BCAS3: variants seen among roughly 807,000 people sequenced by gnomAD.
The protein encoded by BCAS3 is BCAS3 microtubule associated cell migration factor.
In BCAS3, 53 loss-of-function variants were observed where a neutral mutation model predicts 116.1. The observed-to-expected ratio is 0.46, with a 90% CI of 0.37 to 0.57. BCAS3 has a LOEUF of 0.57. Ranked by LOEUF, BCAS3 falls within the 20% of genes least tolerant of loss-of-function variation. The pLI is 0.00. For synonymous variants in BCAS3, 391 were observed against 408.2 expected, an observed-to-expected ratio of 0.96 and a Z score of 0.51; for missense variants, 917 against 1,165.4, an observed-to-expected ratio of 0.79 and a Z score of 3.10.
chr17:60,766,217 C>T (rs1447114831), intron 6 of BCAS3, among the ~76,000 whole-genome samples: 1 of 152,144 alleles, frequency 6.6e-6, no homozygotes, highest in Non-Finnish European at 1.5e-5. Flanking sequence ...CTCTGTCCTG[C>T]TTTGTTACGT....
chr17:61,123,170 T>TGACCTTAGGTGACCCACCCACCTTGGC, intron 22 of BCAS3, among the ~76,000 whole-genome samples: 1 of 152,058 alleles, frequency 6.6e-6, no homozygotes, highest in Non-Finnish European at 1.5e-5. Context: ...CTCCAACTCC[T>TGACCTTAGGTGACCCACCCACCTTGGC]GACCTTAGGT....
intron 15 of BCAS3, among the ~76,000 whole-genome samples, chr17:60,991,471 C>T (rs532828449): frequency 2.0e-5 from 3 of 152,146 alleles, no homozygotes; most frequent in South Asian, 2.1e-4. Context: ...GTGGTTGTAC[C>T]GTTTCATTCT....
intron 22 of BCAS3, among the ~76,000 whole-genome samples, chr17:61,318,304 A>C (rs1278444335): frequency 6.6e-6 from 1 of 152,246 alleles, no homozygotes; most frequent in Non-Finnish European, 1.5e-5. Flanking sequence ...TTCCAAAATT[A>C]ACTGACTTTT....
intron 13 of BCAS3, among the ~76,000 whole-genome samples, chr17:60,942,554 A>T (rs1365841512): frequency 3.3e-5 from 5 of 152,210 alleles, no homozygotes; most frequent in African/African-American, 4.8e-5. Context: ...AAGGTTATAT[A>T]TATTGTTGTA....
Position 60,693,102 on chromosome 17 carries a change from C to A in BCAS3, c.214+3341C>A, listed in dbSNP as rs117094479. Among the ~76,000 whole-genome samples the A allele has an allele frequency of 3.0e-3, 462 of 151,856 alleles. 8 individuals are homozygous for A. In the South Asian group the frequency reaches 0.035, roughly 12 times the overall value. On this transcript the variant is annotated intron_variant, in intron 4 of 23. Coordinates refer to ENST00000407086, the MANE Select transcript of BCAS3 (RefSeq NM_017679.5). ...TGTTGGCCAGGCTGATCTTGAACTC[C>A]TGACCTCAGGTCATCTGCCCGCTTT...
chr17:60,774,207 C>T (rs1443694565), intron 6 of BCAS3, among the ~76,000 whole-genome samples: 1 of 151,978 alleles, frequency 6.6e-6, no homozygotes, highest in African/African-American at 2.4e-5. Flanking sequence ...CTTCATGTTT[C>T]TTCATGTTTT....
chr17:60,709,310 G>C lies in BCAS3; in HGVS notation c.306G>C (p.Gln102His). 6.3e-7 allele frequency: 1 copy of C among 1,587,836 alleles called. No individual in the cohort carries two copies. Among genetic ancestry groups the C allele is most frequent in the Non-Finnish European group, 8.7e-7 (1 of 1,155,972 alleles). The change falls in exon 5 of 24, where the codon CAG becomes CAC. Residue 102 changes from glutamine (Q) to histidine (H), a missense_variant. Around this residue, in one of 3 missense-constraint regions of BCAS3, gnomAD observed 807 missense variants for 1,026.0 expected, o/e 0.79. Coordinates refer to ENST00000407086, the MANE Select transcript of BCAS3 (RefSeq NM_017679.5). The stretch of plus-strand genomic sequence containing the variant: ...TGATTGGCTACAGTGATGGAATGCA[G>C]GTCTGGAGCATCCCTGTAAGTACAC... Reference protein sequence around the residue: ...LIMIGYSDGMQVWSIPISGEA... With the variant: ...LIMIGYSDGMHVWSIPISGEA...
chr17:60,882,736 AAGATC>A (rs1413009563), intron 9 of BCAS3, among the ~76,000 whole-genome samples: 3 of 147,258 alleles, frequency 2.0e-5, no homozygotes, highest in East Asian at 3.9e-4. Flanking sequence ...AGGTTTGTCA[AAGATC>A]AGATAGTTGT....
At chr17:60,709,095 G>A in intron 4 of BCAS3, 124 bp from the exon 5 acceptor site, 1 of 547,486 alleles carries the variant, frequency 1.8e-6, no homozygotes, top group Non-Finnish European at 3.2e-6. Flanking sequence ...TGGCTATGAA[G>A]AGAAGAGAGG....
At position 61,007,388 on chromosome 17, in the gene BCAS3, G is replaced by A. The variant is rs554434416; in HGVS notation, c.1487-8363G>A. Among the ~76,000 whole-genome samples, 1 of 151,644 alleles carries A rather than the reference G, an allele frequency of 6.6e-6. No homozygotes were observed. The highest frequency in any genetic ancestry group is 1.5e-5 in the Non-Finnish European group (1 of 67,890). Reference sequence around the variant, plus strand: ...TTTCTTTATGACTTTTAATTTTTAGGCATCAAATTTCTAAATTTATTGGGT... The same window carrying A: ...TTTCTTTATGACTTTTAATTTTTAGACATCAAATTTCTAAATTTATTGGGT... On this transcript the variant is annotated intron_variant, in intron 15 of 23. Coordinates refer to ENST00000407086, the MANE Select transcript of BCAS3 (RefSeq NM_017679.5). The surrounding 1 kb of genome is among the most constrained non-coding windows in gnomAD (Gnocchi z 4.3).
In BCAS3 at chr17:61,211,139, G is replaced by A. The variant is rs1464435048; in HGVS notation, c.2425+126575G>A. ...ATAGTAATGTTTGGAGGCATGCTCAGTTATTCAGAAGAAATGGAATGACGT... is the reference window on the plus strand; with the variant it reads ...ATAGTAATGTTTGGAGGCATGCTCAATTATTCAGAAGAAATGGAATGACGT... On this transcript the variant is annotated intron_variant, in intron 22 of 23. Transcript: ENST00000407086. The surrounding 1 kb of genome is among the most constrained non-coding windows in gnomAD (Gnocchi z 4.4). 1.3e-5 allele frequency among the ~76,000 whole-genome samples: 2 copies of A among 152,144 alleles called. No individual in the cohort carries two copies. The highest frequency in any genetic ancestry group is 4.8e-5 in the African/African-American group (2 of 41,430).
In BCAS3 at chr17:61,089,509, C is replaced by CTTTTTTTTTTT. The variant is rs71370187; in HGVS notation, c.2425+4973_2425+4983dup. Reference sequence around the variant, plus strand: ...TTTTTCTTCGAGACGGAGTTTCACTCTTTTTTTTTTTTTTTTTTTTTTTTT... The same window carrying CTTTTTTTTTTT: ...TTTTTCTTCGAGACGGAGTTTCACTCTTTTTTTTTTTTTTTTTTTTTTTTTTTTTTTTTTTT... On this transcript the variant is annotated intron_variant, in intron 22 of 23. Coordinates refer to ENST00000407086, the MANE Select transcript of BCAS3 (RefSeq NM_017679.5). 7.5e-4 allele frequency among the ~76,000 whole-genome samples: 20 copies of CTTTTTTTTTTT among 26,750 alleles called. 9 individuals are homozygous for CTTTTTTTTTTT. Among genetic ancestry groups the CTTTTTTTTTTT allele is most frequent in the Non-Finnish European group, 1.0e-3 (15 of 14,942 alleles). The allele number at this position is 26,750 out of a possible 152,430, so 17.5% of individuals were successfully genotyped here.
At chr17:61,223,151 CT>C (rs34499099) in intron 22 of BCAS3, among the ~76,000 whole-genome samples, 100 of 79,074 alleles carry the variant, frequency 1.3e-3, no homozygotes, top group Middle Eastern at 0.013. Flanking sequence ...GATGCAGCGC[CT>C]TTTTTTTTTT....
intron 22 of BCAS3, among the ~76,000 whole-genome samples, chr17:61,163,118 A>G (rs1234842639): frequency 6.6e-6 from 1 of 152,186 alleles, no homozygotes; most frequent in Non-Finnish European, 1.5e-5. Flanking sequence ...CACACGATAA[A>G]TATTATTTTT....
chr17:61,217,206 C>T lies in BCAS3; in HGVS notation c.2425+132642C>T, dbSNP rs187207607. 6.6e-6 allele frequency among the ~76,000 whole-genome samples: 1 copy of T among 152,242 alleles called. No homozygotes were observed. The highest frequency in any genetic ancestry group is 2.4e-5 in the African/African-American group (1 of 41,540). On this transcript the variant is annotated intron_variant, in intron 22 of 23. Transcript: ENST00000407086. The surrounding 1 kb of genome is among the most constrained non-coding windows in gnomAD (Gnocchi z 5.2). The stretch of plus-strand genomic sequence containing the variant: ...GCTGAGGCAGGAGAATCGCTTGAAC[C>T]CAGGAGGCGGAGGTTGCAGTGAGCT...
intron 22 of BCAS3, among the ~76,000 whole-genome samples, chr17:61,142,083 T>C (rs1601545035): frequency 6.6e-6 from 1 of 152,138 alleles, no homozygotes; most frequent in Non-Finnish European, 1.5e-5. Flanking sequence ...TGTAAGATTC[T>C]CTTGTTTTAT....
rs1477995032 is a variant in BCAS3, at chr17:61,122,625, A to G, written c.2425+38061A>G. 6.6e-6 allele frequency among the ~76,000 whole-genome samples: 1 copy of G among 152,212 alleles called. No homozygotes were observed. Among genetic ancestry groups the G allele is most frequent in the Non-Finnish European group, 1.5e-5 (1 of 68,036 alleles). The stretch of plus-strand genomic sequence containing the variant: ...AGGATTTTGGCAGGTCAGAACAAAC[A>G]TTATCTTGCTCCCATATGTTTTTGT... On this transcript the variant is annotated intron_variant, in intron 22 of 23. Transcript: ENST00000407086. This position sits in a 1 kb window ranked among gnomAD's most constrained non-coding sequence, Gnocchi z 4.6.
chr17:61,046,096 A>T lies in BCAS3; in HGVS notation c.2029+5204A>T, dbSNP rs1227887513. Among the ~76,000 whole-genome samples, 37 of 49,370 alleles carry T rather than the reference A, an allele frequency of 7.5e-4. 1 individual carries two copies. Among genetic ancestry groups the T allele is most frequent in the Non-Finnish European group, 9.9e-4 (30 of 30,152 alleles). The allele number at this position is 49,370 out of a possible 152,430, so 32.4% of individuals were successfully genotyped here. On this transcript the variant is annotated intron_variant, in intron 19 of 23. Coordinates refer to ENST00000407086, the MANE Select transcript of BCAS3 (RefSeq NM_017679.5). ...TATATATATATTTATATATATATAT[A>T]ATATATATATATATAAAGTAAAATA...
chr17:61,342,825 CTG>C (rs1163352036), intron 22 of BCAS3, among the ~76,000 whole-genome samples: 1 of 150,784 alleles, frequency 6.6e-6, no homozygotes, highest in East Asian at 1.9e-4. Context: ...GATCTCGACT[CTG>C]TAACCCCCGC....
Sources: allele counts gnomAD v4.1 joint callset (sites outside exome capture counted in the v4.1 genomes callset), GRCh38; gene constraint gnomAD v4.1.1; regional missense constraint gnomAD v4.1.1; non-coding constraint Gnocchi (gnomAD v3.1); transcripts MANE v1.5; gene names NCBI Gene and HGNC (gene_info 2026-07-23, HGNC 2026-07-21).